LIN52: variants seen among roughly 807,000 people sequenced by gnomAD.
LIN52 encodes lin-52 DREAM MuvB core complex component.
LIN52 carries 4 observed loss-of-function variants against 18.5 expected under a neutral mutation model. That is an observed-to-expected ratio of 0.22 (90% CI 0.11 to 0.49). The LOEUF (loss-of-function observed/expected upper bound fraction) is 0.49. Among genes scored for constraint, LIN52 ranks in the 20% least tolerant of loss-of-function variants. The pLI is 0.97. For synonymous variants in LIN52, 34 were observed against 45.5 expected, an observed-to-expected ratio of 0.75 and a Z score of 1.02; for missense variants, 102 against 139.5, an observed-to-expected ratio of 0.73 and a Z score of 1.35.
At chr14:74,198,812 C>T in intron 5 of LIN52, 110 bp from the exon 6 acceptor site, 1 of 807,806 alleles carries the variant, frequency 1.2e-6, no homozygotes, top group Non-Finnish European at 2.0e-6. Flanking sequence ...GTTGTGATAG[C>T]AACTTGATAT....
At chr14:74,168,292 CTGTTA>C (rs1263147354) in intron 5 of LIN52, among the ~76,000 whole-genome samples, 2 of 152,226 alleles carry the variant, frequency 1.3e-5, no homozygotes, top group African/African-American at 4.8e-5. Flanking sequence ...ACAGTCCTCT[CTGTTA>C]TAACAGTTAT....
At chr14:74,195,207 A>G (rs893464877) in intron 5 of LIN52, among the ~76,000 whole-genome samples, 4 of 152,144 alleles carry the variant, frequency 2.6e-5, no homozygotes, top group African/African-American at 9.7e-5. Context: ...CTCTCTCCCA[A>G]TCTTGTTGTG....
At chr14:74,086,553 G>C (rs1470741363) in intron 1 of LIN52, among the ~76,000 whole-genome samples, 1 of 152,002 alleles carries the variant, frequency 6.6e-6, no homozygotes, top group African/African-American at 2.4e-5. Flanking sequence ...ACTTGGGGGG[G>C]CTGAGGCAAG....
intron 4 of LIN52, among the ~76,000 whole-genome samples, chr14:74,099,985 G>A (rs1378658839): frequency 6.6e-6 from 1 of 152,186 alleles, no homozygotes; most frequent in African/African-American, 2.4e-5. Flanking sequence ...CCAACAGTAT[G>A]CTGTCTTTTT....
At chr14:74,101,560 G>A (rs112097409) in intron 5 of LIN52, among the ~76,000 whole-genome samples, 3 of 150,188 alleles carry the variant, frequency 2.0e-5, no homozygotes, top group African/African-American at 4.9e-5. Flanking sequence ...CCGGGTTCAC[G>A]CCATTCTCCT....
chr14:74,198,853 A>T, intron 5 of LIN52, 69 bp from the exon 6 acceptor site: 2 of 1,159,332 alleles, frequency 1.7e-6, no homozygotes, highest in South Asian at 1.3e-5. Context: ...TTTTTAAATT[A>T]AATCTTCCTA....
intron 5 of LIN52, among the ~76,000 whole-genome samples, chr14:74,184,345 G>A (rs572395157): frequency 2.6e-5 from 4 of 152,338 alleles, no homozygotes; most frequent in African/African-American, 7.2e-5. Flanking sequence ...GGGATTACAG[G>A]CGTGAGCCAC....
rs1430373927 is a variant in LIN52 at position 74,110,031 on chromosome 14, C to T, written c.283+8793C>T. 4.6e-5 allele frequency among the ~76,000 whole-genome samples: 7 copies of T among 152,032 alleles called. 1 individual carries two copies. Among genetic ancestry groups the T allele is most frequent in the Non-Finnish European group, 1.0e-4 (7 of 68,022 alleles). On this transcript the variant is annotated intron_variant, in intron 5 of 5. Coordinates refer to ENST00000555028, the MANE Select transcript of LIN52 (RefSeq NM_001024674.3). Reference sequence around the variant, plus strand: ...GTGGACATCCTTGACTTTTCCTGATCTTTGGGAGAAACCCACAGTGTTAGC... The same window carrying T: ...GTGGACATCCTTGACTTTTCCTGATTTTTGGGAGAAACCCACAGTGTTAGC...
Position 74,201,151 on chromosome 14 carries a change from G to A in LIN52, c.*2174G>A, listed in dbSNP as rs1005057976. 6.6e-6 allele frequency: 1 copy of A among 152,182 alleles called. No homozygotes were observed. Among genetic ancestry groups the A allele is most frequent in the African/African-American group, 2.4e-5 (1 of 41,446 alleles). The allele number at this position is 152,182 out of a possible 1,614,324, so 9.4% of individuals were successfully genotyped here. A position where few individuals can be genotyped will look rare whatever the true frequency, so the allele number is the denominator to read the frequency against. ...TAATATAAATTTATGTACAGTATGTGTGTATATGTATTTCAGGATGTTATA... is the reference window on the plus strand; with the variant it reads ...TAATATAAATTTATGTACAGTATGTATGTATATGTATTTCAGGATGTTATA... On this transcript the variant is annotated 3_prime_UTR_variant, in exon 6 of 6. Transcript: ENST00000555028.
chr14:74,101,297 C>T, intron 5 of LIN52, 59 bp downstream of exon 5: 1 of 1,204,710 alleles, frequency 8.3e-7, no homozygotes, highest in Non-Finnish European at 1.2e-6. Context: ...GTGTATTCCA[C>T]CCTGAGCTCA....
At chr14:74,179,131 C>T (rs530194425) in intron 5 of LIN52, among the ~76,000 whole-genome samples, 15 of 152,036 alleles carry the variant, frequency 9.9e-5, no homozygotes, top group Non-Finnish European at 2.2e-4. Context: ...TCAAGCACAT[C>T]CCTCTCTTTC....
chr14:74,141,714 CT>C (rs537298614), intron 5 of LIN52, among the ~76,000 whole-genome samples: 101 of 152,292 alleles, frequency 6.6e-4, no homozygotes, highest in Non-Finnish European at 1.2e-3. Flanking sequence ...CCACTGTGTG[CT>C]TTTAATTTGT....
intron 5 of LIN52, among the ~76,000 whole-genome samples, chr14:74,162,735 T>G (rs1395236829): frequency 6.6e-6 from 1 of 152,126 alleles, no homozygotes. Flanking sequence ...TCTCTTCTAA[T>G]CATTTCATTT....
chr14:74,160,907 A>G (rs940929107), intron 5 of LIN52, among the ~76,000 whole-genome samples: 7 of 152,222 alleles, frequency 4.6e-5, no homozygotes, highest in African/African-American at 1.7e-4. Flanking sequence ...ATGCTTTCTT[A>G]TAATCAGGTT....
chr14:74,105,167 G>A (rs1207484430), intron 5 of LIN52, among the ~76,000 whole-genome samples: 7 of 152,048 alleles, frequency 4.6e-5, no homozygotes, highest in Admixed American at 3.3e-4. Context: ...CAAAAACTTG[G>A]TGTGGCATTT....
intron 1 of LIN52, among the ~76,000 whole-genome samples, chr14:74,090,002 T>A (rs895744468): frequency 1.3e-5 from 2 of 149,196 alleles, no homozygotes; most frequent in Non-Finnish European, 3.0e-5. Context: ...CAAGTGGGCA[T>A]GTATAACAGT....
intron 5 of LIN52, among the ~76,000 whole-genome samples, chr14:74,164,407 C>T (rs185484991): frequency 1.1e-3 from 174 of 152,084 alleles, no homozygotes; most frequent in Middle Eastern, 3.4e-3. Context: ...ATCTCAGCCT[C>T]CTGAGTAGCT....
intron 5 of LIN52, among the ~76,000 whole-genome samples, chr14:74,188,287 A>G (rs538323418): frequency 1.2e-4 from 19 of 152,314 alleles, no homozygotes; most frequent in Admixed American, 1.2e-3. Context: ...TGGTATGAAG[A>G]CAGCATCTTA....
chr14:74,109,605 G>T (rs1013687022), intron 5 of LIN52, among the ~76,000 whole-genome samples: 28 of 152,290 alleles, frequency 1.8e-4, no homozygotes, highest in African/African-American at 6.7e-4. Context: ...TTTGAAATTG[G>T]GATGTGTGAG....
Sources: allele counts gnomAD v4.1 joint callset (sites outside exome capture counted in the v4.1 genomes callset), GRCh38; gene constraint gnomAD v4.1.1; transcripts MANE v1.5; gene names NCBI Gene and HGNC (gene_info 2026-07-23, HGNC 2026-07-21).